TEPSIN: variants seen among roughly 807,000 people sequenced by gnomAD.
The protein encoded by TEPSIN is AP-4 complex accessory subunit tepsin.
A neutral mutation model predicts 48.5 loss-of-function variants in TEPSIN; 50 were observed. That is an observed-to-expected ratio of 1.03 (90% CI 0.82 to 1.31). The LOEUF (loss-of-function observed/expected upper bound fraction) is 1.31. Ranked by LOEUF, TEPSIN falls within the 50% of genes most tolerant of loss-of-function variation. The probability of loss-of-function intolerance (pLI) is 0.00; values close to 1 mark genes in which losing one functional copy is unlikely to be tolerated. For synonymous variants in TEPSIN, 392 were observed against 358.8 expected (o/e 1.09, Z -1.05); for missense variants, 838 against 815.9 (o/e 1.03, Z -0.33).
At position 81,233,375 on chromosome 17, in the gene TEPSIN, A is replaced by C; in HGVS notation, c.526+57T>G. ...GGGGCGGCATGGTCCGGCCCCCACC[A>C]CCTCCTCATCCCCACACCCTGAGAT... On this transcript the variant is annotated intron_variant, in intron 7 of 12. Coordinates refer to ENST00000637944, the MANE Select transcript of TEPSIN (RefSeq NM_001363764.2). The surrounding 1 kb of genome is among the most constrained non-coding windows in gnomAD (Gnocchi z 5.8). The C allele has an allele frequency of 6.3e-7, 1 of 1,582,268 alleles. No individual in the cohort carries two copies. The highest frequency in any genetic ancestry group is 8.6e-7 in the Non-Finnish European group (1 of 1,165,592).
At position 81,231,509 on chromosome 17, in the gene TEPSIN, G is replaced by A. The variant is rs115995266; in HGVS notation, c.1020-33C>T. 1,883 of 1,567,270 alleles carry A rather than the reference G, an allele frequency of 1.2e-3. 11 individuals carry two copies. In the African/African-American group the frequency reaches 0.016, roughly 13 times the overall value. ...GAGGGGACACCTGGGTGGCGGGTGCGGCCCGTTCCCTCCTCCCTCGCCCAC... is the reference window on the plus strand; with the variant it reads ...GAGGGGACACCTGGGTGGCGGGTGCAGCCCGTTCCCTCCTCCCTCGCCCAC... On this transcript the variant is annotated intron_variant, in intron 10 of 12. Transcript: ENST00000637944.
chr17:81,236,321 G>A (rs942931769), intron 4 of TEPSIN, among the ~76,000 whole-genome samples: 6 of 152,240 alleles, frequency 3.9e-5, no homozygotes, highest in Non-Finnish European at 5.9e-5. Flanking sequence ...AAGGATGTGT[G>A]AACAGGCACT....
intron 1 of TEPSIN, 159 bp from the exon 2 acceptor site, chr17:81,237,618 A>G: frequency 2.8e-6 from 2 of 725,064 alleles, no homozygotes; most frequent in East Asian, 2.7e-5. Flanking sequence ...GGCCACAGGG[A>G]GGCTGCAGCA....
At chr17:81,238,073 C>T in intron 1 of TEPSIN, 1 of 990,382 alleles carries the variant, frequency 1.0e-6, no homozygotes, top group Non-Finnish European at 1.2e-6. Context: ...AGTATCAGGA[C>T]AGAATAGAGT....
chr17:81,233,915 G>T lies in TEPSIN; in HGVS notation c.375+66C>A, dbSNP rs879351480. On this transcript the variant is annotated intron_variant, in intron 5 of 12. Transcript: ENST00000637944. This position sits in a 1 kb window ranked among gnomAD's most constrained non-coding sequence, Gnocchi z 5.8. ...CTGCAAACCCCCCAGCTGACATCCT[G>T]GCCCCAATCCCACCCCTCTACAGGA... is the stretch of plus-strand genomic sequence containing the variant. 7.2e-6 allele frequency: 11 copies of T among 1,519,514 alleles called. No homozygotes were observed. The highest frequency in any genetic ancestry group is 9.7e-6 in the Non-Finnish European group (11 of 1,130,868). The allele number at this position is 1,519,514 out of a possible 1,614,324, so 94.1% of individuals were successfully genotyped here.
intron 8 of TEPSIN, 115 bp from the exon 9 acceptor site, chr17:81,232,136 G>A: frequency 8.7e-6 from 12 of 1,385,446 alleles, no homozygotes; most frequent in Non-Finnish European, 1.2e-5. Flanking sequence ...CTGAGGATGG[G>A]TGGCCACCTT....
At chr17:81,237,487 G>A in intron 1 of TEPSIN, 28 bp from the exon 2 acceptor site, 1 of 1,589,954 alleles carries the variant, frequency 6.3e-7, no homozygotes, top group Non-Finnish European at 8.6e-7. Flanking sequence ...CCCCTACCAT[G>A]ATGAGGTGCC....
Position 81,234,219 on chromosome 17 carries a change from G to A in TEPSIN, c.308-171C>T. 1 of 504,528 alleles carries A rather than the reference G, an allele frequency of 2.0e-6. No homozygotes were observed. Among genetic ancestry groups the A allele is most frequent in the Non-Finnish European group, 3.5e-6 (1 of 287,328 alleles). 31.3% of individuals were successfully genotyped at this position (504,528 alleles called of 1,614,324 possible). A position where few individuals can be genotyped will look rare whatever the true frequency, so the allele number is the denominator to read the frequency against. On this transcript the variant is annotated intron_variant, in intron 4 of 12. Transcript: ENST00000637944. This position sits in a 1 kb window ranked among gnomAD's most constrained non-coding sequence, Gnocchi z 5.4. ...AGGACCCTGCAGAGGCCACACCTGAGCAGACCCTCAGCTCCCCCTCACCCA... is the reference window on the plus strand; with the variant it reads ...AGGACCCTGCAGAGGCCACACCTGAACAGACCCTCAGCTCCCCCTCACCCA...
At position 81,236,689 on chromosome 17, in the gene TEPSIN, G is replaced by A. The variant is rs544565531; in HGVS notation, c.307+19C>T. 41 of 1,550,962 alleles carry A rather than the reference G, an allele frequency of 2.6e-5. No homozygotes were observed. Among genetic ancestry groups the A allele is most frequent in the Admixed American group, 3.9e-5 (2 of 51,122 alleles). On this transcript the variant is annotated intron_variant, in intron 4 of 12. Transcript: ENST00000637944. ...TCCAAAGCCCTGGCTCTTCCTGAGCGCGTGCGCGGCCCCTGTACCTGCAGC... is the reference window on the plus strand; with the variant it reads ...TCCAAAGCCCTGGCTCTTCCTGAGCACGTGCGCGGCCCCTGTACCTGCAGC...
At chr17:81,238,589 TC>T (rs2062768368) in intron 1 of TEPSIN, 3 of 1,077,408 alleles carry the variant, frequency 2.8e-6, no homozygotes, top group Non-Finnish European at 3.4e-6. Context: ...AGGACCGGAG[TC>T]CTCTGAAACG....
rs570972731 is a variant in TEPSIN at position 81,229,052 on chromosome 17, G to A, written c.1658C>T (p.Ala553Val). The A allele has an allele frequency of 2.5e-6, 4 of 1,613,470 alleles. No individual in the cohort carries two copies. The South Asian group carries it at 4.4e-5, about 18-fold the overall frequency. The change falls in exon 13 of 13, where the codon GCT becomes GTT. Residue 553 changes from alanine to valine, a missense_variant. Transcript: ENST00000637944. ...ELVACPRLVGAGAAAGESCPD... is the reference protein window; with the variant it reads ...ELVACPRLVGVGAAAGESCPD... The stretch of plus-strand genomic sequence containing the variant: ...ACAGGACTCTCCCGCAGCAGCCCCA[G>A]CCCCCACCAGGCGGGGACAGGCCAC...
chr17:81,230,486 C>A lies in TEPSIN; in HGVS notation c.1233+58G>T. 6.3e-7 allele frequency: 1 copy of A among 1,594,512 alleles called. No individual in the cohort carries two copies. The highest frequency in any genetic ancestry group is 8.5e-7 in the Non-Finnish European group (1 of 1,173,172). ...GGGACGGGGTGGCCGTGGACTGCAG[C>A]GTATCTCCCACTGTACCCTTGGACC... On this transcript the variant is annotated intron_variant, in intron 12 of 12. Transcript: ENST00000637944. This position sits in a 1 kb window ranked among gnomAD's most constrained non-coding sequence, Gnocchi z 4.2.
At chr17:81,238,693 C>T (rs2062770272) in intron 1 of TEPSIN, 2 of 1,208,788 alleles carry the variant, frequency 1.7e-6, no homozygotes, top group Admixed American at 4.5e-5. Flanking sequence ...GCCGCTCCTT[C>T]CCTCCCGTCG....
At position 81,229,023 on chromosome 17, in the gene TEPSIN, C is replaced by T. The variant is rs761087574; in HGVS notation, c.1687G>A (p.Asp563Asn). Residue 563 changes from aspartate to asparagine, a missense_variant, in exon 13 of 13, where the codon GAT (aspartate) becomes AAT (asparagine). Physicochemically the swap from Asp to Asn is conservative, Grantham distance 23 (BLOSUM62 1). Coordinates refer to ENST00000637944, the MANE Select transcript of TEPSIN (RefSeq NM_001363764.2). ...AGAAAGESCP[D>N]APRAPQTSSQ... ...GATGTTTGGGGGGCGCGGGGAGCAT[C>T]AGGACAGGACTCTCCCGCAGCAGCC... The T allele has an allele frequency of 1.2e-6, 2 of 1,613,318 alleles. No homozygotes were observed. The highest frequency in any genetic ancestry group is 2.2e-5 in the South Asian group (2 of 91,076).
intron 4 of TEPSIN, 138 bp downstream of exon 4, chr17:81,236,570 C>T (rs2062724038): frequency 2.2e-6 from 2 of 901,450 alleles, no homozygotes; most frequent in Non-Finnish European, 3.4e-6. Flanking sequence ...CCAGGATCAG[C>T]AAGGCGGGGC....
intron 4 of TEPSIN, among the ~76,000 whole-genome samples, chr17:81,235,471 C>G (rs1358264319): frequency 1.3e-5 from 2 of 152,204 alleles, no homozygotes; most frequent in African/African-American, 2.4e-5. Flanking sequence ...CCAGGCACGG[C>G]AGGCAACAGC....
Position 81,234,095 on chromosome 17 carries a change from C to G in TEPSIN, c.308-47G>C. 1 of 1,510,298 alleles carries G rather than the reference C, an allele frequency of 6.6e-7. No homozygotes were observed. Among genetic ancestry groups the G allele is most frequent in the Non-Finnish European group, 8.8e-7 (1 of 1,130,534 alleles). 93.6% of individuals were successfully genotyped at this position (1,510,298 alleles called of 1,614,324 possible). A position where few individuals can be genotyped will look rare whatever the true frequency, so the allele number is the denominator to read the frequency against. On this transcript the variant is annotated intron_variant, in intron 4 of 12. Coordinates refer to ENST00000637944, the MANE Select transcript of TEPSIN (RefSeq NM_001363764.2). This position sits in a 1 kb window ranked among gnomAD's most constrained non-coding sequence, Gnocchi z 5.4. ...TCGGGGGCAGGGCTGAGCCTGGCACCGCTGCTCCCTGTGGAGCACGGTGCC... is the reference window on the plus strand; with the variant it reads ...TCGGGGGCAGGGCTGAGCCTGGCACGGCTGCTCCCTGTGGAGCACGGTGCC...
Position 81,229,097 on chromosome 17 carries a change from A to G in TEPSIN, c.1613T>C (p.Leu538Ser), listed in dbSNP as rs1219880606. The change falls in exon 13 of 13, where the codon TTG (leucine) becomes TCG (serine). Residue 538 changes from leucine (L) to serine (S), a missense_variant. Transcript: ENST00000637944. ...PSSCAWSRDSLFAGMELVACP... is the reference protein window; with the variant it reads ...PSSCAWSRDSSFAGMELVACP... Reference sequence around the variant, plus strand: ...GGCCACCAGCTCCATGCCAGCAAACAAGGAGTCGCGGCTCCACGCACAGCT... The same window carrying G: ...GGCCACCAGCTCCATGCCAGCAAACGAGGAGTCGCGGCTCCACGCACAGCT... The G allele has an allele frequency of 1.9e-6, 3 of 1,613,420 alleles. No homozygotes were observed. The highest frequency in any genetic ancestry group is 3.3e-5 in the Admixed American group (2 of 59,980).
In TEPSIN at chr17:81,233,806, G is replaced by C. The variant is rs371589300; in HGVS notation, c.376-90C>G. The C allele has an allele frequency of 1.1e-5, 16 of 1,427,230 alleles. No individual in the cohort carries two copies. Among genetic ancestry groups the C allele is most frequent in the Middle Eastern group, 2.4e-4 (1 of 4,084 alleles). 88.4% of individuals were successfully genotyped at this position (1,427,230 alleles called of 1,614,324 possible). ...CCATATCAGCTCCGTTCTGTCCCCCGGACACTTCTCCTGAGCCACTCAGCT... is the reference window on the plus strand; with the variant it reads ...CCATATCAGCTCCGTTCTGTCCCCCCGACACTTCTCCTGAGCCACTCAGCT... On this transcript the variant is annotated intron_variant, in intron 5 of 12. Coordinates refer to ENST00000637944, the MANE Select transcript of TEPSIN (RefSeq NM_001363764.2). The surrounding 1 kb of genome is among the most constrained non-coding windows in gnomAD (Gnocchi z 5.8).
Sources: gnomAD v4.1 joint callset for allele counts (sites outside exome capture counted in the v4.1 genomes callset) on GRCh38, gnomAD v4.1.1 for gene constraint, Gnocchi (gnomAD v3.1) non-coding constraint, MANE v1.5 for transcripts, NCBI Gene and HGNC (gene_info 2026-07-23, HGNC 2026-07-21) for gene names.